GFOD2: variants seen among roughly 807,000 people sequenced by gnomAD.
The protein encoded by GFOD2 is glucose-fructose oxidoreductase domain-containing protein 2.
Under a neutral mutation model 24.6 loss-of-function variants are expected in GFOD2, and 9 were observed. The ratio of observed to expected loss-of-function variants is 0.37; its 90% CI spans 0.22 to 0.64. The LOEUF (loss-of-function observed/expected upper bound fraction) is 0.64. Among genes scored for constraint, GFOD2 ranks in the 30% least tolerant of loss-of-function variants. The pLI, the probability that GFOD2 is intolerant of heterozygous loss-of-function variation, is 0.65. For missense variants in GFOD2, 476 were observed against 532.5 expected (o/e 0.89, Z 1.04); for synonymous variants, 211 against 224.8 (o/e 0.94, Z 0.55).
intron 1 of GFOD2, among the ~76,000 whole-genome samples, chr16:67,698,223 G>A (rs957658588): frequency 1.2e-4 from 18 of 152,124 alleles, no homozygotes; most frequent in African/African-American, 2.9e-4. Flanking sequence ...TCCTTTAGAG[G>A]ACCCCTCTCT....
intron 1 of GFOD2, among the ~76,000 whole-genome samples, chr16:67,707,378 T>C (rs1352447523): frequency 2.6e-5 from 4 of 151,462 alleles, no homozygotes; most frequent in African/African-American, 9.7e-5. Flanking sequence ...AAAAAAGACT[T>C]ACAATCCTGA....
Position 67,685,206 on chromosome 16 carries a change from A to C in GFOD2, c.259+251T>G, listed in dbSNP as rs374125898. The C allele has an allele frequency of 2.1e-6, 3 of 1,416,368 alleles. No individual in the cohort carries two copies. In the South Asian group the frequency reaches 4.8e-5, roughly 22 times the overall value. The allele number at this position is 1,416,368 out of a possible 1,614,324, so 87.7% of individuals were successfully genotyped here. A position where few individuals can be genotyped will look rare whatever the true frequency, so the allele number is the denominator to read the frequency against. ...TGTTGACTGAGATGCAACCATCTCCAGCCCCTTGATGGCTGTCTCTTAGAG... is the reference window on the plus strand; with the variant it reads ...TGTTGACTGAGATGCAACCATCTCCCGCCCCTTGATGGCTGTCTCTTAGAG... On this transcript the variant is annotated intron_variant, in intron 2 of 2. Transcript: ENST00000268797.
At chr16:67,711,568 GTCC>G (rs1279637260) in intron 1 of GFOD2, among the ~76,000 whole-genome samples, 4 of 151,992 alleles carry the variant, frequency 2.6e-5, no homozygotes, top group Non-Finnish European at 4.4e-5. Context: ...TATCAGCCAG[GTCC>G]TCTTTAAGCT....
At chr16:67,705,802 C>T (rs2053434873) in intron 1 of GFOD2, among the ~76,000 whole-genome samples, 3 of 151,318 alleles carry the variant, frequency 2.0e-5, no homozygotes, top group Admixed American at 2.0e-4. Context: ...TAGCTGGGCA[C>T]GGTGGCAGAT....
At chr16:67,680,708 G>A in intron 2 of GFOD2, 1 of 982,320 alleles carries the variant, frequency 1.0e-6, no homozygotes, top group Non-Finnish European at 1.2e-6. Flanking sequence ...AAGGCATGTG[G>A]ATTGGTAGTC....
intron 2 of GFOD2, among the ~76,000 whole-genome samples, chr16:67,678,427 G>C (rs980970620): frequency 6.8e-6 from 1 of 147,280 alleles, no homozygotes; most frequent in Admixed American, 6.9e-5. Flanking sequence ...GGTGAGCCAA[G>C]ATTGCGCCAT....
At chr16:67,704,316 G>GT (rs1282251477) in intron 1 of GFOD2, among the ~76,000 whole-genome samples, 5 of 152,242 alleles carry the variant, frequency 3.3e-5, no homozygotes, top group East Asian at 1.9e-4. Context: ...TGAGATCAGC[G>GT]TAACAACATC....
intron 1 of GFOD2, among the ~76,000 whole-genome samples, chr16:67,696,215 A>G (rs2053357888): frequency 6.6e-6 from 1 of 151,498 alleles, no homozygotes; most frequent in Admixed American, 6.6e-5. Context: ...GGGTTTCACC[A>G]TGTTGGACAG....
intron 1 of GFOD2, among the ~76,000 whole-genome samples, chr16:67,687,109 C>T (rs1597794239): frequency 6.9e-6 from 1 of 145,010 alleles, no homozygotes; most frequent in East Asian, 2.0e-4. Flanking sequence ...GATTGTGCCA[C>T]TGCACTCCAG....
intron 1 of GFOD2, among the ~76,000 whole-genome samples, chr16:67,692,910 G>A (rs1447343395): frequency 6.6e-6 from 1 of 151,350 alleles, no homozygotes; most frequent in Non-Finnish European, 1.5e-5. Flanking sequence ...GGCACCTGCA[G>A]TCCCAGCTAC....
chr16:67,688,078 GT>G (rs979195185), intron 1 of GFOD2, among the ~76,000 whole-genome samples: 33 of 152,114 alleles, frequency 2.2e-4, no homozygotes, highest in African/African-American at 8.0e-4. Context: ...CAAGTAATGG[GT>G]TAGATAAAGA....
At chr16:67,698,553 C>T (rs1402266279) in intron 1 of GFOD2, among the ~76,000 whole-genome samples, 1 of 152,112 alleles carries the variant, frequency 6.6e-6, no homozygotes, top group African/African-American at 2.4e-5. Flanking sequence ...GATCTTGGCT[C>T]ATTGCAACCT....
intron 2 of GFOD2, chr16:67,681,333 G>GT: frequency 2.0e-6 from 2 of 985,416 alleles, no homozygotes; most frequent in Non-Finnish European, 1.2e-6. Flanking sequence ...GGAGTTTGGT[G>GT]GTGATAAAAC....
intron 2 of GFOD2, chr16:67,684,985 G>A: frequency 2.0e-6 from 2 of 1,013,648 alleles, no homozygotes; most frequent in African/African-American, 1.7e-5. Context: ...GGCAATACAA[G>A]ACTGCAGTTT....
chr16:67,709,192 A>G (rs1477667610), intron 1 of GFOD2, among the ~76,000 whole-genome samples: 2 of 151,928 alleles, frequency 1.3e-5, no homozygotes, highest in Admixed American at 6.6e-5. Context: ...AGTCCCAGCT[A>G]CTCAGGAGAG....
At chr16:67,683,902 G>A in intron 2 of GFOD2, 1 of 1,125,972 alleles carries the variant, frequency 8.9e-7, no homozygotes, top group Non-Finnish European at 1.1e-6. Context: ...AGTCAAGTAA[G>A]TATGTGCTAG....
chr16:67,708,844 A>G (rs771050381), intron 1 of GFOD2, among the ~76,000 whole-genome samples: 25 of 152,206 alleles, frequency 1.6e-4, no homozygotes, highest in Non-Finnish European at 3.7e-4. Flanking sequence ...GTCAAGACCC[A>G]TACTGTAGAA....
intron 2 of GFOD2, among the ~76,000 whole-genome samples, chr16:67,679,347 C>T (rs965175624): frequency 1.8e-4 from 27 of 151,626 alleles, no homozygotes; most frequent in Non-Finnish European, 3.5e-4. Context: ...ACTTTCCTGC[C>T]TCAGCCTCCT....
chr16:67,706,228 C>T (rs530234453), intron 1 of GFOD2, among the ~76,000 whole-genome samples: 28 of 152,146 alleles, frequency 1.8e-4, no homozygotes, highest in Middle Eastern at 3.4e-3. Flanking sequence ...CTGCCTGCCT[C>T]GGCCTCCCAA....
Sources: allele counts gnomAD v4.1 joint callset (sites outside exome capture counted in the v4.1 genomes callset), GRCh38; gene constraint gnomAD v4.1.1; transcripts MANE v1.5; gene names NCBI Gene and HGNC (gene_info 2026-07-23, HGNC 2026-07-21).